PRKAR2B: variants seen among roughly 807,000 people sequenced by gnomAD.
PRKAR2B encodes cAMP-dependent protein kinase type II-beta regulatory subunit.
A neutral mutation model predicts 49.9 loss-of-function variants in PRKAR2B; 14 were observed. The ratio of observed to expected loss-of-function variants is 0.28; its 90% CI spans 0.19 to 0.44. The LOEUF is 0.44. Ranked by LOEUF, PRKAR2B falls within the 20% of genes least tolerant of loss-of-function variation. The pLI, the probability that PRKAR2B is intolerant of heterozygous loss-of-function variation, is 1.00. For synonymous variants in PRKAR2B, 196 were observed against 197.7 expected, an observed-to-expected ratio of 0.99 and a Z score of 0.07; for missense variants, 393 against 537.9, an observed-to-expected ratio of 0.73 and a Z score of 2.67.
chr7:107,053,774 G>C (rs767761639), intron 1 of PRKAR2B, among the ~76,000 whole-genome samples: 10 of 152,078 alleles, frequency 6.6e-5, no homozygotes, highest in Non-Finnish European at 1.0e-4. Flanking sequence ...AACATTTGTG[G>C]ATGGGACAAA....
chr7:107,066,999 C>G (rs1450456208), intron 1 of PRKAR2B: 3 of 152,298 alleles, frequency 2.0e-5, no homozygotes, highest in Non-Finnish European at 4.4e-5. Flanking sequence ...GGCAATGTGG[C>G]CAGTATTAGA....
At position 107,161,466 on chromosome 7, in the gene PRKAR2B, A is replaced by C. The variant is rs1796195748; in HGVS notation, c.*1884A>C. 1 of 152,700 alleles carries C rather than the reference A, an allele frequency of 6.5e-6. No individual in the cohort carries two copies. Among genetic ancestry groups the C allele is most frequent in the Admixed American group, 6.5e-5 (1 of 15,284 alleles). The allele number at this position is 152,700 out of a possible 1,614,324, so 9.5% of individuals were successfully genotyped here. On this transcript the variant is annotated 3_prime_UTR_variant, in exon 11 of 11. Coordinates refer to ENST00000265717, the MANE Select transcript of PRKAR2B (RefSeq NM_002736.3). The stretch of plus-strand genomic sequence containing the variant: ...ATTTTCAGTATTGTTGGTTATATTT[A>C]AATTTTCCTTACAATAAAGCACACT...
chr7:107,111,562 G>A (rs895466910), intron 2 of PRKAR2B, among the ~76,000 whole-genome samples: 2 of 152,154 alleles, frequency 1.3e-5, no homozygotes, highest in African/African-American at 4.8e-5. Flanking sequence ...GGAGAAAATA[G>A]GGGAAGAGAA....
rs184476105 is a variant in PRKAR2B, at chr7:107,093,750, G to A, written c.343+23434G>A. ...TTGTTCAATTCCCACCTATGAGTGAGAACATGCGGTGTTTGGTTTTCTGTC... is the reference window on the plus strand; with the variant it reads ...TTGTTCAATTCCCACCTATGAGTGAAAACATGCGGTGTTTGGTTTTCTGTC... On this transcript the variant is annotated intron_variant, in intron 2 of 10. Transcript: ENST00000265717. Among the ~76,000 whole-genome samples, 556 of 150,290 alleles carry A rather than the reference G, an allele frequency of 3.7e-3. 4 individuals carry two copies. The highest frequency in any genetic ancestry group is 0.013 in the African/African-American group (529 of 40,758).
At chr7:107,098,093 C>G (rs976523453) in intron 2 of PRKAR2B, among the ~76,000 whole-genome samples, 1 of 152,170 alleles carries the variant, frequency 6.6e-6, no homozygotes, top group African/African-American at 2.4e-5. Context: ...TGGATAATAT[C>G]CTGAAGAGTG....
At chr7:107,129,687 A>G (rs917776623) in intron 4 of PRKAR2B, among the ~76,000 whole-genome samples, 3 of 152,222 alleles carry the variant, frequency 2.0e-5, no homozygotes, top group Non-Finnish European at 4.4e-5. Flanking sequence ...TGGCTACTCC[A>G]TAGACAGAGC....
chr7:107,047,349 T>C (rs1274255061), intron 1 of PRKAR2B, among the ~76,000 whole-genome samples: 1 of 152,198 alleles, frequency 6.6e-6, no homozygotes, highest in East Asian at 1.9e-4. Context: ...AATTATAGGC[T>C]ACAAAGTGAT....
chr7:107,102,324 T>C (rs1403165757), intron 2 of PRKAR2B, among the ~76,000 whole-genome samples: 1 of 152,246 alleles, frequency 6.6e-6, no homozygotes, highest in Non-Finnish European at 1.5e-5. Context: ...AGTTACCTTA[T>C]ATGGTTCTGG....
intron 7 of PRKAR2B, among the ~76,000 whole-genome samples, chr7:107,152,359 C>G (rs1796002690): frequency 6.6e-6 from 1 of 152,170 alleles, no homozygotes; most frequent in Non-Finnish European, 1.5e-5. Flanking sequence ...CACACCTGTC[C>G]CACACCCACT....
chr7:107,150,304 T>C (rs1420028170), intron 6 of PRKAR2B, among the ~76,000 whole-genome samples: 1 of 152,160 alleles, frequency 6.6e-6, no homozygotes, highest in Admixed American at 6.5e-5. Flanking sequence ...TGGTAAACAC[T>C]GGAATTAGAT....
chr7:107,128,105 A>T, intron 3 of PRKAR2B, 107 bp from the exon 4 acceptor site: 1 of 729,582 alleles, frequency 1.4e-6, no homozygotes, highest in Non-Finnish European at 2.3e-6. Flanking sequence ...GAGCGCTAAC[A>T]GTTCTTCTTT....
intron 2 of PRKAR2B, among the ~76,000 whole-genome samples, chr7:107,098,676 G>C (rs533289506): frequency 3.8e-4 from 58 of 152,274 alleles, no homozygotes; most frequent in Middle Eastern, 3.4e-3. Flanking sequence ...TGATGATGGT[G>C]ACGTACAAAT....
intron 1 of PRKAR2B, among the ~76,000 whole-genome samples, chr7:107,053,582 A>G (rs1289819295): frequency 6.6e-6 from 1 of 151,330 alleles, no homozygotes. Flanking sequence ...TTTTTAAAAG[A>G]CAGTCACTCG....
In PRKAR2B at chr7:107,150,936, C is replaced by A; in HGVS notation, c.756C>A (p.Phe252Leu). ...GALWGLDRVT[F>L]RRIIVKNNAK... ...TCTGCCTGTAGGACAGGGTAACCTT[C>A]AGGAGAATAATTGTGAAAAACAATG... The change falls in exon 7 of 11, where the codon TTC becomes TTA. Residue 252 changes from phenylalanine to leucine, a missense_variant. Phe to Leu is a conservative substitution (Grantham distance 22). Transcript: ENST00000265717. 1 of 1,596,010 alleles carries A rather than the reference C, an allele frequency of 6.3e-7. No homozygotes were observed. Among genetic ancestry groups the A allele is most frequent in the Non-Finnish European group, 8.5e-7 (1 of 1,171,010 alleles).
At chr7:107,047,047 C>T (rs1793712432) in intron 1 of PRKAR2B, among the ~76,000 whole-genome samples, 1 of 152,122 alleles carries the variant, frequency 6.6e-6, no homozygotes, top group Non-Finnish European at 1.5e-5. Context: ...TTATATTCTC[C>T]AAGGCACCTT....
At chr7:107,145,907 T>A (rs1429213614) in intron 5 of PRKAR2B, among the ~76,000 whole-genome samples, 1 of 151,646 alleles carries the variant, frequency 6.6e-6, no homozygotes, top group Admixed American at 6.6e-5. Context: ...ACCCGGCTAA[T>A]ATTTTGTATT....
chr7:107,091,667 CA>C (rs1794735026), intron 2 of PRKAR2B: 1 of 152,174 alleles, frequency 6.6e-6, no homozygotes, highest in African/African-American at 2.4e-5. Flanking sequence ...TACAAGTCAG[CA>C]GTAACTTCTA....
chr7:107,096,129 G>A (rs1794831771), intron 2 of PRKAR2B, among the ~76,000 whole-genome samples: 1 of 152,160 alleles, frequency 6.6e-6, no homozygotes, highest in South Asian at 2.1e-4. Flanking sequence ...AATCCGTCTG[G>A]TCCTGGACTC....
intron 2 of PRKAR2B, among the ~76,000 whole-genome samples, chr7:107,098,225 T>C (rs1010767398): frequency 3.9e-5 from 6 of 152,216 alleles, no homozygotes; most frequent in Non-Finnish European, 7.3e-5. Context: ...CTCTTTTTTC[T>C]CTAAACTTGT....
Sources: gnomAD v4.1 joint callset for allele counts (sites outside exome capture counted in the v4.1 genomes callset) on GRCh38, gnomAD v4.1.1 for gene constraint, MANE v1.5 for transcripts, NCBI Gene and HGNC (gene_info 2026-07-23, HGNC 2026-07-21) for gene names.